Variants in TYRO3 observed in about 807,000 individuals in gnomAD.
TYRO3 encodes the protein TYRO3 protein tyrosine kinase.
TYRO3 carries 38 observed loss-of-function variants against 95.2 expected under a neutral mutation model. The ratio of observed to expected loss-of-function variants is 0.40; its 90% CI spans 0.31 to 0.52. TYRO3 has a LOEUF of 0.52. TYRO3 is among the 20% of genes least tolerant of loss of function. TYRO3 has a pLI of 0.56. For missense variants in TYRO3, 812 were observed against 1,116.4 expected (o/e 0.73, Z 3.89); for synonymous variants, 367 against 432.9 (o/e 0.85, Z 1.89).
Position 41,573,025 on chromosome 15 carries a change from C to A in TYRO3, c.1899C>A (p.Ile633=). ...AGAACCTACCCCTCCAGACCCTGAT[C>A]CGGTTCATGGTGGACATTGCCTGCG... The part of the protein sequence containing the change: ...NPFNLPLQTL[I]RFMVDIACGM... Residue 633 remains isoleucine (I), a synonymous_variant, in exon 16 of 19, where the codon ATC becomes ATA. Transcript: ENST00000263798. The A allele has an allele frequency of 6.2e-7, 1 of 1,614,200 alleles. No homozygotes were observed. Among genetic ancestry groups the A allele is most frequent in the Non-Finnish European group, 8.5e-7 (1 of 1,180,034 alleles).
Position 41,562,655 on chromosome 15 carries a change from T to C in TYRO3, c.517T>C (p.Trp173Arg). The C allele has an allele frequency of 6.2e-7, 1 of 1,614,154 alleles. No individual in the cohort carries two copies. Among genetic ancestry groups the C allele is most frequent in the South Asian group, 1.1e-5 (1 of 91,078 alleles). Residue 173 changes from tryptophan (W) to arginine (R), a missense_variant, in exon 4 of 19, where the codon TGG becomes CGG. Transcript: ENST00000263798. ...VGPPEPVTIV[W>R]WRGTTKIGGP... ...TCCCCCTGAACCTGTTACCATTGTC[T>C]GGTGGAGAGGAACTACGAAGATCGG...
In TYRO3 at chr15:41,564,215, A is replaced by C. The variant is rs745604133; in HGVS notation, c.612A>C (p.Glu204Asp). 6.2e-7 allele frequency: 1 copy of C among 1,614,114 alleles called. No individual in the cohort carries two copies. Among genetic ancestry groups the C allele is most frequent in the East Asian group, 2.2e-5 (1 of 44,870 alleles). Reference sequence around the variant, plus strand: ...CCCAGAGCACCATGTTTTCCTGTGAAGCTCACAACCTAAAAGGCCTGGCCT... The same window carrying C: ...CCCAGAGCACCATGTTTTCCTGTGACGCTCACAACCTAAAAGGCCTGGCCT... Reference protein sequence around the residue: ...GVTQSTMFSCEAHNLKGLASS... With the variant: ...GVTQSTMFSCDAHNLKGLASS... Residue 204 changes from glutamate to aspartate, a missense_variant, in exon 5 of 19, where the codon GAA becomes GAC. Transcript: ENST00000263798.
rs376598790 is a variant in TYRO3 at position 41,573,049 on chromosome 15, C to A, written c.1923C>A (p.Cys641Ter). Residue 641 changes from cysteine (C) to a stop codon, truncating the protein, a stop_gained, in exon 16 of 19, where the codon TGC (cysteine) becomes TGA (stop). Coordinates refer to ENST00000263798, the MANE Select transcript of TYRO3 (RefSeq NM_006293.4). LOFTEE classifies it high-confidence loss of function. ...TCCGGTTCATGGTGGACATTGCCTG[C>A]GGCATGGAGTACCTGAGCTCTCGGA... ...TLIRFMVDIA[C>*]GMEYLSSRNF... 1 of 1,614,164 alleles carries A rather than the reference C, an allele frequency of 6.2e-7. No homozygotes were observed. Among genetic ancestry groups the A allele is most frequent in the Non-Finnish European group, 8.5e-7 (1 of 1,180,044 alleles).
intron 5 of TYRO3, 79 bp from the exon 6 acceptor site, chr15:41,564,947 C>T: frequency 1.1e-6 from 1 of 947,816 alleles, no homozygotes; most frequent in Non-Finnish European, 1.7e-6. Context: ...CTCAGAGAGA[C>T]TCAAGGCTTG....
chr15:41,559,501 C>G (rs1453108365), intron 1 of TYRO3, 120 bp downstream of exon 1: 1 of 262,552 alleles, frequency 3.8e-6, no homozygotes, highest in East Asian at 6.9e-5. Context: ...AGCCGAAGGC[C>G]GAGGCTCGGA....
chr15:41,575,562 G>A (rs545676073), intron 18 of TYRO3, among the ~76,000 whole-genome samples: 1 of 152,282 alleles, frequency 6.6e-6, no homozygotes, highest in African/African-American at 2.4e-5. Flanking sequence ...CCATTCCCAC[G>A]ACCTGTTCAG....
At position 41,561,285 on chromosome 15, in the gene TYRO3, G is replaced by A. The variant is rs749257762; in HGVS notation, c.283G>A (p.Glu95Lys). Reference protein sequence around the residue: ...NLDQLYIPVSEQHWIGFLSLK... With the variant: ...NLDQLYIPVSKQHWIGFLSLK... ...GGACCAGTTGTACATCCCAGTCAGC[G>A]AGCAGCACTGGATCGGCTTCCTCAG... is the stretch of plus-strand genomic sequence containing the variant. The change falls in exon 2 of 19, where the codon GAG becomes AAG. Residue 95 changes from glutamate (E) to lysine (K), a missense_variant. Glu to Lys is a moderately conservative substitution (Grantham distance 56). Transcript: ENST00000263798. 2.4e-5 allele frequency: 39 copies of A among 1,613,572 alleles called. No homozygotes were observed. The highest frequency in any genetic ancestry group is 5.0e-5 in the Admixed American group (3 of 59,996).
rs767877097 is a variant in TYRO3 at position 41,565,133 on chromosome 15, A to G, written c.775A>G (p.Thr259Ala). 2.5e-6 allele frequency: 4 copies of G among 1,610,148 alleles called. No individual in the cohort carries two copies. The South Asian group carries it at 3.3e-5, about 13-fold the overall frequency. ...TGGCCGAGCTCTGCTACAGTCCTGTACAGTTCAGGTAGGCTCTCCGGGCCG... is the reference window on the plus strand; with the variant it reads ...TGGCCGAGCTCTGCTACAGTCCTGTGCAGTTCAGGTAGGCTCTCCGGGCCG... ...ADGRALLQSC[T>A]VQVTQAPGGW... Residue 259 changes from threonine to alanine, a missense_variant, in exon 6 of 19, where the codon ACA (threonine) becomes GCA (alanine). Transcript: ENST00000263798.
intron 18 of TYRO3, among the ~76,000 whole-genome samples, chr15:41,576,250 A>G (rs28655000): frequency 0.52 from 78,327 of 151,314 alleles, 21,274 homozygotes; most frequent in Middle Eastern, 0.62. Context: ...CTGGAGTGCA[A>G]TGGCACAATC....
chr15:41,565,273 GA>G (rs1310508542), intron 6 of TYRO3, 132 bp downstream of exon 6: 9 of 629,524 alleles, frequency 1.4e-5, no homozygotes, highest in Non-Finnish European at 2.6e-5. Context: ...TCCTTAGCAG[GA>G]AGAACACAGG....
chr15:41,577,370 G>C (rs1430384605), intron 18 of TYRO3: 1 of 152,042 alleles, frequency 6.6e-6, no homozygotes, highest in Non-Finnish European at 1.5e-5. Context: ...TTGTTGCCCA[G>C]GCTGGAGTTC....
rs776839937 is a variant in TYRO3 at position 41,570,310 on chromosome 15, C to G, written c.1453C>G (p.Arg485Gly). Residue 485 changes from arginine (R) to glycine (G), a missense_variant, in exon 11 of 19, where the codon CGA becomes GGA. By Grantham distance (125) the Arg-to-Gly change is moderately radical. Transcript: ENST00000263798. ...CTTCCGGGCAGCCCGGTCCTTCAAT[C>G]GAGAAAGGCCCGAGCGCATCGAGGC... ...VHFRAARSFN[R>G]ERPERIEATL... 6.2e-7 allele frequency: 1 copy of G among 1,614,092 alleles called. No homozygotes were observed. Among genetic ancestry groups the G allele is most frequent in the South Asian group, 1.1e-5 (1 of 91,066 alleles).
At position 41,568,967 on chromosome 15, in the gene TYRO3, A is replaced by G. The variant is rs762023982; in HGVS notation, c.1197A>G (p.Ala399=). Reference sequence around the variant, plus strand: ...TCGTACGTGTGTGCGTCTCCAATGCAGTTGGCTGTGGACCCTGGAGTCAGC... The same window carrying G: ...TCGTACGTGTGTGCGTCTCCAATGCGGTTGGCTGTGGACCCTGGAGTCAGC... ...DLIVRVCVSN[A]VGCGPWSQPL... The change falls in exon 9 of 19, where the codon GCA becomes GCG. Residue 399 remains alanine (A), a synonymous_variant. Transcript: ENST00000263798. 3 of 1,614,138 alleles carry G rather than the reference A, an allele frequency of 1.9e-6. No individual in the cohort carries two copies. The highest frequency in any genetic ancestry group is 1.1e-5 in the South Asian group (1 of 91,074).
intron 13 of TYRO3, 67 bp downstream of exon 13, chr15:41,571,185 A>C: frequency 1.3e-6 from 2 of 1,489,058 alleles, no homozygotes; most frequent in Non-Finnish European, 1.9e-6. Context: ...CTGACCCTGA[A>C]GCAGGCTCTG....
Position 41,561,137 on chromosome 15 carries a change from C to T in TYRO3, c.135C>T (p.Leu45=), listed in dbSNP as rs781119325. ...LPESAAAGLK[L]MGAPVKLTVS... is the part of the protein sequence containing the mutation. ...CTTCCCACCCCTCAGGTCTGAAGCT[C>T]ATGGGAGCCCCGGTGAAGCTGACAG... The change falls in exon 2 of 19, where the codon CTC becomes CTT. Residue 45 remains leucine, a synonymous_variant. Coordinates refer to ENST00000263798, the MANE Select transcript of TYRO3 (RefSeq NM_006293.4). The T allele has an allele frequency of 6.2e-7, 1 of 1,614,166 alleles. No homozygotes were observed. The highest frequency in any genetic ancestry group is 8.5e-7 in the Non-Finnish European group (1 of 1,180,010).
At chr15:41,570,491 G>C in intron 11 of TYRO3, 113 bp from the exon 12 acceptor site, 1 of 1,390,648 alleles carries the variant, frequency 7.2e-7, no homozygotes, top group South Asian at 1.2e-5. Flanking sequence ...CACCCCAGCC[G>C]TGGGAGACCT....
chr15:41,564,134 ACT>A (rs1248228185), intron 4 of TYRO3, 48 bp from the exon 5 acceptor site: 3 of 1,540,602 alleles, frequency 1.9e-6, no homozygotes, highest in Non-Finnish European at 9.0e-7. Flanking sequence ...CCAGTCCCGC[ACT>A]GAGTGGGGTT....
rs2055929401 is a variant in TYRO3, at chr15:41,582,188, C to T, written c.*3912C>T. 2 of 151,908 alleles carry T rather than the reference C, an allele frequency of 1.3e-5. No individual in the cohort carries two copies. The allele number at this position is 151,908 out of a possible 1,614,324, so 9.4% of individuals were successfully genotyped here. A position where few individuals can be genotyped will look rare whatever the true frequency, so the allele number is the denominator to read the frequency against. Reference sequence around the variant, plus strand: ...TCAGCAACATGTTTATAAGGATCATCTAACAACAGCAGTTTTGAAAAGTGA... The same window carrying T: ...TCAGCAACATGTTTATAAGGATCATTTAACAACAGCAGTTTTGAAAAGTGA... On this transcript the variant is annotated 3_prime_UTR_variant, in exon 19 of 19. Transcript: ENST00000263798.
chr15:41,565,497 C>T (rs1338531092), intron 6 of TYRO3, among the ~76,000 whole-genome samples: 2 of 151,860 alleles, frequency 1.3e-5, no homozygotes, highest in African/African-American at 4.8e-5. Context: ...CAACCTCCAC[C>T]TCCTGGGTTC....
Sources: allele counts gnomAD v4.1 joint callset (sites outside exome capture counted in the v4.1 genomes callset), GRCh38; gene constraint gnomAD v4.1.1; transcripts MANE v1.5; gene names NCBI Gene and HGNC (gene_info 2026-07-23, HGNC 2026-07-21).